Variants in GPD2 observed in about 807,000 individuals in gnomAD.
The protein encoded by GPD2 is glycerol-3-phosphate dehydrogenase, mitochondrial.
Under a neutral mutation model 82.4 loss-of-function variants are expected in GPD2, and 54 were observed. That is an observed-to-expected ratio of 0.66 (90% CI 0.53 to 0.82). The LOEUF (loss-of-function observed/expected upper bound fraction) is 0.82. Among genes scored for constraint, GPD2 ranks in the 40% least tolerant of loss-of-function variants. GPD2 has a pLI of 0.00. For missense variants in GPD2, 748 were observed against 896.2 expected, an observed-to-expected ratio of 0.83 and a Z score of 2.11; for synonymous variants, 288 against 306.1, an observed-to-expected ratio of 0.94 and a Z score of 0.62.
At chr2:156,516,951 G>T (rs1170353818) in intron 6 of GPD2, among the ~76,000 whole-genome samples, 1 of 152,218 alleles carries the variant, frequency 6.6e-6, no homozygotes, top group Non-Finnish European at 1.5e-5. Flanking sequence ...TGTTAGGGCT[G>T]TAAGAGGTTT....
At position 156,439,731 on chromosome 2, in the gene GPD2, C is replaced by T. The variant is rs1020632480; in HGVS notation, c.-9+3218C>T. Reference sequence around the variant, plus strand: ...GCATGATCGTGGGCACCTGTAATCCCAGCTACTAGGAAGGCTGAGGCAGGA... The same window carrying T: ...GCATGATCGTGGGCACCTGTAATCCTAGCTACTAGGAAGGCTGAGGCAGGA... On this transcript the variant is annotated intron_variant, in intron 1 of 16. Transcript: ENST00000438166. Among the ~76,000 whole-genome samples the T allele has an allele frequency of 9.2e-5, 14 of 151,650 alleles. No homozygotes were observed. The East Asian group carries it at 2.1e-3, about 23-fold the overall frequency.
chr2:156,558,436 G>T (rs914254222), intron 9 of GPD2, among the ~76,000 whole-genome samples: 1 of 151,886 alleles, frequency 6.6e-6, no homozygotes, highest in Non-Finnish European at 1.5e-5. Context: ...GCCTCTTTAG[G>T]TCAGGTCTCT....
At position 156,479,116 on chromosome 2, in the gene GPD2, G is replaced by C. The variant is rs1378785803; in HGVS notation, c.102+2909G>C. On this transcript the variant is annotated intron_variant, in intron 2 of 16. Coordinates refer to ENST00000438166, the MANE Select transcript of GPD2 (RefSeq NM_000408.5). The stretch of plus-strand genomic sequence containing the variant: ...ATTGTTAAAACATTTTTGGTGATGA[G>C]ATAGTACTATGAGTGTTTAGGTGCC... Among the ~76,000 whole-genome samples, 3 of 152,222 alleles carry C rather than the reference G, an allele frequency of 2.0e-5. No individual in the cohort carries two copies. In the East Asian group the frequency reaches 5.8e-4, roughly 29 times the overall value.
At chr2:156,477,111 A>G (rs936345878) in intron 2 of GPD2, among the ~76,000 whole-genome samples, 1 of 152,174 alleles carries the variant, frequency 6.6e-6, no homozygotes, top group Non-Finnish European at 1.5e-5. Flanking sequence ...TTGCAATCCC[A>G]TATCCTGAAT....
intron 1 of GPD2, among the ~76,000 whole-genome samples, chr2:156,465,361 C>CT (rs67390264): frequency 8.7e-6 from 1 of 114,912 alleles, no homozygotes; most frequent in African/African-American, 3.7e-5. Context: ...TTCTTTCTTT[C>CT]TTTTTTTTTT....
At chr2:156,575,690 G>A (rs1687795672) in intron 13 of GPD2, among the ~76,000 whole-genome samples, 1 of 151,938 alleles carries the variant, frequency 6.6e-6, no homozygotes, top group Non-Finnish European at 1.5e-5. Context: ...ACAGGCATGA[G>A]CCACCACACC....
chr2:156,423,987 G>C, the GPD2 span, among the ~76,000 whole-genome samples: 1 of 152,148 alleles, frequency 6.6e-6, no homozygotes, highest in Non-Finnish European at 1.5e-5. Context: ...TAATCGAAAG[G>C]GTATTGATTT....
intron 1 of GPD2, among the ~76,000 whole-genome samples, chr2:156,439,469 C>T (rs1045007238): frequency 7.4e-6 from 1 of 135,876 alleles, no homozygotes; most frequent in African/African-American, 2.8e-5. Context: ...GTAGTCCCAG[C>T]TACTTAGGAG....
At chr2:156,575,110 C>T (rs763462819) in intron 13 of GPD2, among the ~76,000 whole-genome samples, 28 of 152,152 alleles carry the variant, frequency 1.8e-4, no homozygotes, top group Admixed American at 1.4e-3. Flanking sequence ...TTAAGATTCT[C>T]TTGCTTGGGA....
upstream of GPD2, among the ~76,000 whole-genome samples, chr2:156,432,316 T>C (rs898220319): frequency 6.6e-6 from 1 of 152,214 alleles, no homozygotes. Flanking sequence ...GTTTCAAGGG[T>C]AGATTGTGTG....
intron 14 of GPD2, 28 bp downstream of exon 14, chr2:156,579,029 C>A (rs572880363): frequency 1.3e-6 from 2 of 1,555,664 alleles, no homozygotes; most frequent in South Asian, 1.1e-5. Flanking sequence ...CTATCTATCT[C>A]TCTTTTTTTT....
intron 6 of GPD2, among the ~76,000 whole-genome samples, chr2:156,529,620 C>T (rs866746903): frequency 6.6e-6 from 1 of 151,320 alleles, no homozygotes; most frequent in Non-Finnish European, 1.5e-5. Flanking sequence ...TTTGTATAAG[C>T]TGTAAGGAAG....
chr2:156,488,336 T>A (rs1286200377), intron 2 of GPD2, among the ~76,000 whole-genome samples: 1 of 152,226 alleles, frequency 6.6e-6, no homozygotes, highest in Non-Finnish European at 1.5e-5. Context: ...TAGGAATATA[T>A]AAATATGGTT....
At chr2:156,440,276 C>T (rs1682122797) in intron 1 of GPD2, among the ~76,000 whole-genome samples, 1 of 152,154 alleles carries the variant, frequency 6.6e-6, no homozygotes, top group South Asian at 2.1e-4. Context: ...GTGAGAAAGA[C>T]AAGGGCCAAT....
chr2:156,562,629 A>G (rs1687217298), intron 9 of GPD2, among the ~76,000 whole-genome samples: 1 of 152,162 alleles, frequency 6.6e-6, no homozygotes, highest in Non-Finnish European at 1.5e-5. Context: ...GCTAAACCGC[A>G]CATTTACCTC....
intron 2 of GPD2, among the ~76,000 whole-genome samples, chr2:156,488,213 T>C (rs1684017644): frequency 6.6e-6 from 1 of 152,024 alleles, no homozygotes; most frequent in South Asian, 2.1e-4. Flanking sequence ...CTCATGTAAG[T>C]GCAGGAAAAA....
At chr2:156,483,317 C>T (rs1332474294) in intron 2 of GPD2, among the ~76,000 whole-genome samples, 1 of 152,056 alleles carries the variant, frequency 6.6e-6, no homozygotes, top group Non-Finnish European at 1.5e-5. Context: ...TTCAGAATTC[C>T]AATTTCTTCA....
chr2:156,550,408 G>A (rs997002904), intron 7 of GPD2, among the ~76,000 whole-genome samples, 194 bp from the exon 8 acceptor site: 1 of 152,122 alleles, frequency 6.6e-6, no homozygotes, highest in Non-Finnish European at 1.5e-5. Flanking sequence ...CTTCAATTCC[G>A]ACTTGTTTTT....
Position 156,578,909 on chromosome 2 carries a change from G to GA in GPD2, c.1790dup (p.Phe598ValfsTer5). On this transcript the variant is annotated frameshift_variant, in exon 14 of 17. Transcript: ENST00000438166. LOFTEE classifies it high-confidence loss of function. Reference sequence around the variant, plus strand: ...TTTAGGAACAACTTGAAACAGCCAGGAAGTTTCTATATTATGAAATGGGCT... The same window carrying GA: ...TTTAGGAACAACTTGAAACAGCCAGGAAAGTTTCTATATTATGAAATGGGCT... The GA allele has an allele frequency of 6.2e-7, 1 of 1,603,928 alleles. No individual in the cohort carries two copies. Among genetic ancestry groups the GA allele is most frequent in the Non-Finnish European group, 8.5e-7 (1 of 1,171,340 alleles).
Sources: gnomAD v4.1 joint callset for allele counts (sites outside exome capture counted in the v4.1 genomes callset) on GRCh38, gnomAD v4.1.1 for gene constraint, MANE v1.5 for transcripts, NCBI Gene and HGNC (gene_info 2026-07-23, HGNC 2026-07-21) for gene names.